TPD52: variants seen among roughly 807,000 people sequenced by gnomAD.
The protein encoded by TPD52 is tumor protein D52, also known as prostate and colon associated protein.
A neutral mutation model predicts 31.3 loss-of-function variants in TPD52; 17 were observed. That is an observed-to-expected ratio of 0.54 (90% CI 0.37 to 0.82). The LOEUF is 0.82. TPD52 is among the 40% of genes least tolerant of loss of function. TPD52 has a pLI of 0.00. For synonymous variants in TPD52, 83 were observed against 89.6 expected, an observed-to-expected ratio of 0.93 and a Z score of 0.42; for missense variants, 212 against 240.1, an observed-to-expected ratio of 0.88 and a Z score of 0.77.
chr8:80,047,453 G>C (rs1301212164), intron 5 of TPD52, among the ~76,000 whole-genome samples: 1 of 152,112 alleles, frequency 6.6e-6, no homozygotes, highest in Non-Finnish European at 1.5e-5. Flanking sequence ...GGAAATATAA[G>C]CATATCACGT....
At chr8:80,042,267 T>G in intron 7 of TPD52, 1 of 985,454 alleles carries the variant, frequency 1.0e-6, no homozygotes, top group Non-Finnish European at 1.2e-6. Context: ...TTCTTTCTTG[T>G]GCTTCCTATA....
chr8:80,098,146 T>C (rs1806470214), intron 1 of TPD52, among the ~76,000 whole-genome samples: 1 of 152,260 alleles, frequency 6.6e-6, no homozygotes, highest in Non-Finnish European at 1.5e-5. Flanking sequence ...TCATTTACAA[T>C]GCACCTAGTC....
chr8:80,069,521 T>TCA (rs1444857473), intron 1 of TPD52, among the ~76,000 whole-genome samples: 2 of 151,824 alleles, frequency 1.3e-5, no homozygotes, highest in East Asian at 3.9e-4. Context: ...GCATGGTGGC[T>TCA]CACACACACC....
chr8:80,041,215 A>G (rs1261971312), intron 7 of TPD52, among the ~76,000 whole-genome samples: 1 of 152,228 alleles, frequency 6.6e-6, no homozygotes, highest in Non-Finnish European at 1.5e-5. Flanking sequence ...TGGGTGCAGT[A>G]AACCACCGTG....
chr8:80,102,059 T>C (rs1806783585), intron 1 of TPD52, among the ~76,000 whole-genome samples: 1 of 152,204 alleles, frequency 6.6e-6, no homozygotes, highest in Admixed American at 6.5e-5. Flanking sequence ...CGACTCACAA[T>C]AGGAATTGCA....
At chr8:80,067,977 T>G (rs1813345766) in intron 1 of TPD52, among the ~76,000 whole-genome samples, 1 of 151,914 alleles carries the variant, frequency 6.6e-6, no homozygotes, top group African/African-American at 2.4e-5. Context: ...ATTCACAACA[T>G]GAAAGGTGGA....
At chr8:80,142,459 A>T (rs144945676) in intron 1 of TPD52, among the ~76,000 whole-genome samples, 6 of 152,318 alleles carry the variant, frequency 3.9e-5, no homozygotes, top group African/African-American at 1.2e-4. Flanking sequence ...GAAGACAAAA[A>T]TTACAATCAG....
In TPD52 at chr8:80,064,774, G is replaced by A. The variant is rs17537402; in HGVS notation, c.20-181C>T. On this transcript the variant is annotated intron_variant, in intron 1 of 7. Coordinates refer to ENST00000518937, the MANE Select transcript of TPD52 (RefSeq NM_001025253.3). ...CAAAAGAAAATCTGAGCTAACCACCGGAAACTACCAAGTAGACTCTGCCAA... is the reference window on the plus strand; with the variant it reads ...CAAAAGAAAATCTGAGCTAACCACCAGAAACTACCAAGTAGACTCTGCCAA... The A allele has an allele frequency of 2.2e-3, 1,542 of 692,702 alleles. 2 individuals are homozygous for A. Among genetic ancestry groups the A allele is most frequent in the Admixed American group, 3.8e-3 (185 of 48,146 alleles). 42.9% of individuals were successfully genotyped at this position (692,702 alleles called of 1,614,324 possible). A position where few individuals can be genotyped will look rare whatever the true frequency, so the allele number is the denominator to read the frequency against.
At chr8:80,141,042 A>G (rs7831094) in intron 1 of TPD52, among the ~76,000 whole-genome samples, 77,111 of 151,382 alleles carry the variant, frequency 0.51, 20,144 homozygotes, top group East Asian at 0.78. Context: ...ACCCAGTGTT[A>G]GCAACACGTG....
chr8:80,154,865 T>C lies in TPD52; in HGVS notation c.19+16560A>G, dbSNP rs934530913. ...TATTCCTGCAGAACAAAATGTTATA[T>C]AATACATAAATCATACATAAATTAT... On this transcript the variant is annotated intron_variant, in intron 1 of 7. Coordinates refer to ENST00000518937, the MANE Select transcript of TPD52 (RefSeq NM_001025253.3). Among the ~76,000 whole-genome samples the C allele has an allele frequency of 1.3e-4, 20 of 152,266 alleles. No individual in the cohort carries two copies. The East Asian group carries it at 2.5e-3, about 19-fold the overall frequency.
chr8:80,171,551 A>G lies in TPD52; in HGVS notation c.-108T>C. The G allele has an allele frequency of 1.5e-6, 2 of 1,355,692 alleles. No homozygotes were observed. The highest frequency in any genetic ancestry group is 1.9e-6 in the Non-Finnish European group (2 of 1,054,508). 84.0% of individuals were successfully genotyped at this position (1,355,692 alleles called of 1,614,324 possible). ...GAGCTCCTCCTCGCCTCCGCCGGCG[A>G]CTCCCGCGAAGTCCCCACCCCCAGA... On this transcript the variant is annotated 5_prime_UTR_variant, in exon 1 of 8. Coordinates refer to ENST00000518937, the MANE Select transcript of TPD52 (RefSeq NM_001025253.3).
At chr8:80,083,434 G>A (rs1391186744) in intron 1 of TPD52, among the ~76,000 whole-genome samples, 1 of 152,196 alleles carries the variant, frequency 6.6e-6, no homozygotes, top group African/African-American at 2.4e-5. Context: ...GCGGGACCAG[G>A]TGGAGTAAAC....
intron 1 of TPD52, among the ~76,000 whole-genome samples, chr8:80,137,462 A>G (rs954238582): frequency 2.6e-5 from 4 of 152,202 alleles, no homozygotes; most frequent in African/African-American, 9.7e-5. Flanking sequence ...TAAAACAAGC[A>G]AAGTACAGAA....
At chr8:80,131,739 C>T (rs890375381) in intron 1 of TPD52, among the ~76,000 whole-genome samples, 1 of 152,178 alleles carries the variant, frequency 6.6e-6, no homozygotes, top group African/African-American at 2.4e-5. Flanking sequence ...ACTCAGTGGC[C>T]GCTCACAGCC....
chr8:80,118,219 T>C (rs1212975774), intron 1 of TPD52, among the ~76,000 whole-genome samples: 2 of 152,158 alleles, frequency 1.3e-5, no homozygotes, highest in African/African-American at 4.8e-5. Flanking sequence ...AAAATAGTCT[T>C]TTCATTAAAT....
At chr8:80,076,271 T>C (rs147305814) in intron 1 of TPD52, among the ~76,000 whole-genome samples, 56 of 152,312 alleles carry the variant, frequency 3.7e-4, no homozygotes, top group African/African-American at 1.1e-3. Context: ...CCATCAATGA[T>C]AGACTGAATA....
At chr8:80,152,780 CAAAAA>C (rs57456374) in intron 1 of TPD52, among the ~76,000 whole-genome samples, 3 of 83,546 alleles carry the variant, frequency 3.6e-5, no homozygotes, top group African/African-American at 1.0e-4. Flanking sequence ...GACTCCGTCT[CAAAAA>C]AAAAAAAAAA....
chr8:80,099,452 A>C (rs1037419977), intron 1 of TPD52, among the ~76,000 whole-genome samples: 1 of 152,208 alleles, frequency 6.6e-6, no homozygotes, highest in Non-Finnish European at 1.5e-5. Flanking sequence ...TACCATCTGC[A>C]AAGAACCTTC....
intron 1 of TPD52, among the ~76,000 whole-genome samples, chr8:80,101,448 CAAA>C (rs113660828): frequency 8.7e-6 from 1 of 114,656 alleles, no homozygotes; most frequent in Middle Eastern, 4.2e-3. Flanking sequence ...ACTCCCAGCT[CAAA>C]AAAAAAAAAA....
Sources: allele counts gnomAD v4.1 joint callset (sites outside exome capture counted in the v4.1 genomes callset), GRCh38; gene constraint gnomAD v4.1.1; transcripts MANE v1.5; gene names NCBI Gene and HGNC (gene_info 2026-07-23, HGNC 2026-07-21).